ZNF177: variants seen among roughly 807,000 people sequenced by gnomAD.
The protein encoded by ZNF177 is zinc finger protein 177.
A neutral mutation model predicts 19.4 loss-of-function variants in ZNF177; 17 were observed. The observed-to-expected ratio is 0.87, with a 90% confidence interval of 0.60 to 1.31. The LOEUF is 1.31. ZNF177 is among the 40% of genes most tolerant of loss of function. ZNF177 has a pLI of 0.00. For missense variants in ZNF177, 633 were observed against 561.8 expected (o/e 1.13, Z -1.28); for synonymous variants, 220 against 188.7 (o/e 1.17, Z -1.36).
At chr19:9,366,222 G>T (rs555097359) in intron 2 of ZNF177, among the ~76,000 whole-genome samples, 2 of 152,040 alleles carry the variant, frequency 1.3e-5, no homozygotes, top group African/African-American at 4.8e-5. Flanking sequence ...ACCTCGTGAT[G>T]CGCCCACCTT....
chr19:9,369,286 G>T (rs979966161), intron 2 of ZNF177, among the ~76,000 whole-genome samples: 4 of 151,854 alleles, frequency 2.6e-5, no homozygotes, highest in Non-Finnish European at 5.9e-5. Flanking sequence ...TCCTTTAATT[G>T]TGCTAGCTTC....
rs1477561330 is a variant in ZNF177 at position 9,378,943 on chromosome 19, T to C, written c.34-19T>C. 2 of 1,582,414 alleles carry C rather than the reference T, an allele frequency of 1.3e-6. No individual in the cohort carries two copies. Among genetic ancestry groups the C allele is most frequent in the Admixed American group, 3.4e-5 (2 of 58,532 alleles). On this transcript the variant is annotated intron_variant, in intron 2 of 5. Coordinates refer to ENST00000589262, the Ensembl canonical transcript of ZNF177. ...AAAATGGTCATTGGCTGAGCCAGAA[T>C]ATGTATGTGATGTTTTAGAACTCAG...
At chr19:9,363,460 G>A (rs537064193) in intron 1 of ZNF177, among the ~76,000 whole-genome samples, 1 of 152,308 alleles carries the variant, frequency 6.6e-6, no homozygotes, top group South Asian at 2.1e-4. Flanking sequence ...CGCGTTATTG[G>A]TTTGTGGAGA....
At position 9,381,092 on chromosome 19, in the gene ZNF177, A is replaced by AG; in HGVS notation, c.764dup (p.Leu256PhefsTer4). 1 of 1,612,260 alleles carries AG rather than the reference A, an allele frequency of 6.2e-7. No individual in the cohort carries two copies. The highest frequency in any genetic ancestry group is 8.5e-7 in the Non-Finnish European group (1 of 1,180,014). On this transcript the variant is annotated frameshift_variant, in exon 6 of 6. Transcript: ENST00000589262. LOFTEE classifies it low-confidence loss of function (END_TRUNC). Reference sequence around the variant, plus strand: ...CACACAAAAACTGGTAGTGTGGAGGAGGGTTTGGAATGTAATGAACATGAG... The same window carrying AG: ...CACACAAAAACTGGTAGTGTGGAGGAGGGGTTTGGAATGTAATGAACATGAG...
intron 1 of ZNF177, 107 bp downstream of exon 3, chr19:9,376,530 T>C (rs1460761910): frequency 1.4e-4 from 21 of 152,226 alleles, no homozygotes; most frequent in Admixed American, 1.1e-3. Flanking sequence ...TGACTTTCTG[T>C]AGTGATACGC....
At chr19:9,371,691 T>C (rs1002879178), upstream of ZNF177, 10 of 152,106 alleles carry the variant, frequency 6.6e-5, no homozygotes, top group African/African-American at 2.4e-4. Flanking sequence ...ATAATGAAAT[T>C]AGATGTGGAT....
chr19:9,381,686 A>T, exon 6 of ZNF177: 1 of 1,614,212 alleles, frequency 6.2e-7, no homozygotes, highest in South Asian at 1.1e-5. Context: ...GAGAAGCCTT[A>T]TAAATGTATT....
chr19:9,382,034 G>A (rs2068211300), exon 6 of ZNF177: 1 of 502,202 alleles, frequency 2.0e-6, no homozygotes, highest in Non-Finnish European at 3.4e-6. Context: ...ATTGTGAACA[G>A]AACACATGGT....
intron 5 of ZNF177, 41 bp from the exon 8 acceptor site, chr19:9,380,627 G>A: frequency 1.3e-6 from 2 of 1,535,904 alleles, no homozygotes; most frequent in Non-Finnish European, 1.7e-6. Flanking sequence ...TAAGGTGAAA[G>A]TGAAAAAGCC....
chr19:9,369,406 A>G (rs563144486), intron 2 of ZNF177, among the ~76,000 whole-genome samples: 1 of 152,250 alleles, frequency 6.6e-6, no homozygotes, highest in Non-Finnish European at 1.5e-5. Context: ...TATGAAATTA[A>G]TTTAGCAAAC....
chr19:9,374,518 G>A (rs1391100202), upstream of ZNF177, among the ~76,000 whole-genome samples: 2 of 151,972 alleles, frequency 1.3e-5, no homozygotes, highest in Non-Finnish European at 2.9e-5. Context: ...ATGAACACTG[G>A]GTGGCTTCCC....
downstream of ZNF177, chr19:9,382,445 AC>A (rs2068216341): frequency 2.3e-5 from 9 of 398,698 alleles, no homozygotes; most frequent in South Asian, 1.1e-3. Context: ...CAGGGGAGAT[AC>A]AATATTATCT....
chr19:9,363,067 C>G (rs984311182), exon 1 of ZNF177: 1 of 152,392 alleles, frequency 6.6e-6, no homozygotes, highest in African/African-American at 2.4e-5. Flanking sequence ...GGTTGCTGTC[C>G]CAGCAGGCCA....
intron 2 of ZNF177, among the ~76,000 whole-genome samples, chr19:9,369,039 T>C (rs1455631192): frequency 1.3e-5 from 2 of 152,114 alleles, no homozygotes; most frequent in Non-Finnish European, 2.9e-5. Flanking sequence ...ATACCAAATT[T>C]GGAAGGTTTA....
At chr19:9,381,526 A>G (rs1221465408) in exon 6 of ZNF177, 2 of 1,614,024 alleles carry the variant, frequency 1.2e-6, no homozygotes, top group African/African-American at 2.7e-5. Context: ...TTATGAGTGT[A>G]ACCAGTGTGG....
In ZNF177 at chr19:9,378,360, C is replaced by T; in HGVS notation, c.33+16C>T. On this transcript the variant is annotated intron_variant, in intron 2 of 5. Transcript: ENST00000589262. ...CTGGTCACAGGTACACAAGAAATTT[C>T]TCTATTTCCAAAAGCACACTGCCAT... The T allele has an allele frequency of 6.2e-7, 1 of 1,613,414 alleles. No individual in the cohort carries two copies. The highest frequency in any genetic ancestry group is 8.5e-7 in the Non-Finnish European group (1 of 1,179,694).
At chr19:9,365,931 C>T (rs933590432) in intron 2 of ZNF177, among the ~76,000 whole-genome samples, 3 of 152,162 alleles carry the variant, frequency 2.0e-5, no homozygotes, top group African/African-American at 4.8e-5. Flanking sequence ...ATAGGTGGAT[C>T]TTTCTCACAG....
intron 2 of ZNF177, 29 bp from the exon 5 acceptor site, chr19:9,378,933 T>C: frequency 6.4e-7 from 1 of 1,570,918 alleles, no homozygotes; most frequent in Non-Finnish European, 8.7e-7. Flanking sequence ...GGTCATTGGC[T>C]GAGCCAGAAT....
intron 2 of ZNF177, among the ~76,000 whole-genome samples, chr19:9,367,298 G>A (rs546965520): frequency 6.3e-4 from 96 of 151,876 alleles, no homozygotes; most frequent in African/African-American, 2.2e-3. Flanking sequence ...CTGGGAAACA[G>A]ACCAAGAGTG....
Sources: gnomAD v4.1 joint callset for allele counts (sites outside exome capture counted in the v4.1 genomes callset) on GRCh38, gnomAD v4.1.1 for gene constraint, MANE v1.5 for transcripts, NCBI Gene and HGNC (gene_info 2026-07-23, HGNC 2026-07-21) for gene names.